Variants in TNR observed in about 807,000 individuals in gnomAD.
TNR encodes the protein tenascin-R.
In TNR, 45 loss-of-function variants were observed where a neutral mutation model predicts 150.4. The ratio of observed to expected loss-of-function variants is 0.30; its 90% confidence interval spans 0.24 to 0.38. The LOEUF is 0.38. Among genes scored for constraint, TNR ranks in the 10% least tolerant of loss-of-function variants. The pLI, the probability that TNR is intolerant of heterozygous loss-of-function variation, is 1.00. For missense variants in TNR, 1,544 were observed against 1,759.1 expected (o/e 0.88, Z 2.19); for synonymous variants, 687 against 678.4 (o/e 1.01, Z -0.20).
chr1:175,715,094 G>T (rs868734922), intron 1 of TNR, among the ~76,000 whole-genome samples: 1 of 152,160 alleles, frequency 6.6e-6, no homozygotes, highest in African/African-American at 2.4e-5. Context: ...ACACATAAAA[G>T]CTCAAGCCCC....
At chr1:175,441,487 C>CTA (rs1218685973) in intron 2 of TNR, among the ~76,000 whole-genome samples, 2 of 151,904 alleles carry the variant, frequency 1.3e-5, no homozygotes, top group African/African-American at 2.4e-5. Context: ...ATACCAGGTA[C>CTA]TATATATATA....
At chr1:175,525,150 G>C (rs1263385254) in intron 2 of TNR, among the ~76,000 whole-genome samples, 1 of 152,174 alleles carries the variant, frequency 6.6e-6, no homozygotes, top group Non-Finnish European at 1.5e-5. Context: ...TTTATAAGGG[G>C]CTTTTCCCTT....
intron 20 of TNR, among the ~76,000 whole-genome samples, chr1:175,334,291 T>A (rs1650110415): frequency 6.6e-6 from 1 of 152,140 alleles, no homozygotes; most frequent in Non-Finnish European, 1.5e-5. Flanking sequence ...TGGGAGGAAT[T>A]TAGTTTATAG....
At chr1:175,556,568 C>G (rs1396634658) in intron 1 of TNR, 1 of 152,286 alleles carries the variant, frequency 6.6e-6, no homozygotes, top group Admixed American at 6.5e-5. Flanking sequence ...CTCAGTAAGC[C>G]TGGGCGTCCC....
chr1:175,639,859 G>A (rs1486398518), intron 1 of TNR, among the ~76,000 whole-genome samples: 2 of 151,886 alleles, frequency 1.3e-5, no homozygotes, highest in African/African-American at 4.8e-5. Context: ...CTTCATTTTG[G>A]TCTCTGTTCA....
chr1:175,427,765 T>C (rs985837297), intron 2 of TNR, among the ~76,000 whole-genome samples: 1 of 143,440 alleles, frequency 7.0e-6, no homozygotes, highest in Admixed American at 7.0e-5. Flanking sequence ...CCTTCTTCCC[T>C]CCTTCCCTCT....
chr1:175,596,876 A>G (rs1663029595), intron 1 of TNR, among the ~76,000 whole-genome samples: 1 of 152,182 alleles, frequency 6.6e-6, no homozygotes, highest in Admixed American at 6.5e-5. Flanking sequence ...TTCCTTCTCA[A>G]AAGGGACTAA....
chr1:175,541,794 T>C (rs1045896937), intron 1 of TNR, among the ~76,000 whole-genome samples: 5 of 152,210 alleles, frequency 3.3e-5, no homozygotes, highest in Non-Finnish European at 7.4e-5. Flanking sequence ...CCCCTGGCTC[T>C]ATGAAACTGG....
intron 9 of TNR, among the ~76,000 whole-genome samples, chr1:175,377,495 T>C (rs7549663): frequency 0.19 from 29,094 of 149,710 alleles, 2,935 homozygotes; most frequent in Middle Eastern, 0.27. Flanking sequence ...AGCTTAATTT[T>C]TGTGACTGTT....
At chr1:175,443,464 A>G (rs1020713815) in intron 2 of TNR, among the ~76,000 whole-genome samples, 1 of 152,142 alleles carries the variant, frequency 6.6e-6, no homozygotes, top group African/African-American at 2.4e-5. Context: ...CTTCCAGTCA[A>G]TGCTTAGCAA....
At chr1:175,481,982 T>C (rs542310615) in intron 2 of TNR, among the ~76,000 whole-genome samples, 1 of 152,322 alleles carries the variant, frequency 6.6e-6, no homozygotes, top group East Asian at 1.9e-4. Flanking sequence ...GCCCACCTGA[T>C]GCACTCAGCC....
intron 1 of TNR, among the ~76,000 whole-genome samples, chr1:175,675,902 C>T (rs907086112): frequency 6.6e-6 from 1 of 152,144 alleles, no homozygotes; most frequent in Admixed American, 6.5e-5. Flanking sequence ...GCCCTGGAAA[C>T]ACTGGATTCT....
chr1:175,596,565 T>C (rs147358610), intron 1 of TNR, among the ~76,000 whole-genome samples: 177 of 152,330 alleles, frequency 1.2e-3, no homozygotes, highest in South Asian at 1.9e-3. Flanking sequence ...GATGGATTAT[T>C]GTCAACATAA....
intron 3 of TNR, among the ~76,000 whole-genome samples, chr1:175,405,262 A>G (rs1653893221): frequency 6.6e-6 from 1 of 152,242 alleles, no homozygotes; most frequent in African/African-American, 2.4e-5. Context: ...CGTTACTTAC[A>G]GAAGCCAGGC....
intron 1 of TNR, among the ~76,000 whole-genome samples, chr1:175,687,089 C>A (rs1389444831): frequency 1.3e-5 from 2 of 152,152 alleles, no homozygotes; most frequent in Non-Finnish European, 2.9e-5. Flanking sequence ...CTATGCTCAG[C>A]CCCAGACATT....
chr1:175,577,704 T>A (rs1662176636), intron 1 of TNR, among the ~76,000 whole-genome samples: 1 of 152,168 alleles, frequency 6.6e-6, no homozygotes, highest in Non-Finnish European at 1.5e-5. Flanking sequence ...CCACGCTAAC[T>A]GTCAGAGTGT....
intron 1 of TNR, among the ~76,000 whole-genome samples, chr1:175,529,634 G>A (rs1275251745): frequency 3.9e-5 from 6 of 152,302 alleles, no homozygotes; most frequent in Admixed American, 6.5e-5. Flanking sequence ...TGGAAGAATC[G>A]CAGGTTCTTT....
chr1:175,683,414 GC>G (rs1456314494), intron 1 of TNR, among the ~76,000 whole-genome samples: 1 of 152,212 alleles, frequency 6.6e-6, no homozygotes, highest in African/African-American at 2.4e-5. Flanking sequence ...AGTCAGAGCT[GC>G]TTTTACTGGA....
At chr1:175,530,647 CTCT>C (rs762403024) in intron 1 of TNR, among the ~76,000 whole-genome samples, 5 of 152,028 alleles carry the variant, frequency 3.3e-5, no homozygotes, top group Non-Finnish European at 7.4e-5. Flanking sequence ...ATCATTTTTC[CTCT>C]AATTTGTTTA....
Sources: gnomAD v4.1 joint callset for allele counts (sites outside exome capture counted in the v4.1 genomes callset) on GRCh38, gnomAD v4.1.1 for gene constraint, MANE v1.5 for transcripts, NCBI Gene and HGNC (gene_info 2026-07-23, HGNC 2026-07-21) for gene names.